APOL2: variants seen among roughly 807,000 people sequenced by gnomAD.
The protein encoded by APOL2 is apolipoprotein L2.
A neutral mutation model predicts 7.1 loss-of-function variants in APOL2; 8 were observed. The observed-to-expected ratio is 1.12, with a 90% CI of 0.66 to 2.03. APOL2 has a LOEUF of 2.03. Among genes scored for constraint, APOL2 ranks in the 30% most tolerant of loss-of-function variants. APOL2 has a pLI of 0.00. For synonymous variants in APOL2, 177 were observed against 159.9 expected, an observed-to-expected ratio of 1.11 and a Z score of -0.81; for missense variants, 471 against 415.1, an observed-to-expected ratio of 1.13 and a Z score of -1.17.
intron 1 of APOL2, chr22:36,237,365 T>C: frequency 7.7e-7 from 1 of 1,297,974 alleles, no homozygotes; most frequent in Non-Finnish European, 9.8e-7. Context: ...GGCATCCTCC[T>C]TGGGCAGGGA....
At chr22:36,233,030 C>T (rs1284091158) in intron 3 of APOL2, 123 bp downstream of exon 3, 28 of 1,003,824 alleles carry the variant, frequency 2.8e-5, no homozygotes, top group East Asian at 1.4e-4. Flanking sequence ...TTCTGCTGCT[C>T]GGGGCAGACT....
At chr22:36,231,557 C>G in intron 3 of APOL2, 91 bp from the exon 4 acceptor site, 3 of 1,478,150 alleles carry the variant, frequency 2.0e-6, no homozygotes, top group Non-Finnish European at 2.8e-6. Context: ...TTAATTTTTC[C>G]TGGACAACTG....
intron 1 of APOL2, among the ~76,000 whole-genome samples, chr22:36,235,746 TGGGTGG>T (rs767948492): frequency 0.019 from 2,227 of 116,176 alleles, 57 homozygotes; most frequent in African/African-American, 0.091. Context: ...GAAGAAAGGG[TGGGTGG>T]GTGGGTGTGT....
At chr22:36,231,527 G>C in intron 3 of APOL2, 61 bp from the exon 4 acceptor site, 1 of 1,574,982 alleles carries the variant, frequency 6.3e-7, no homozygotes. Context: ...AACAGCCATT[G>C]CACATTAGGT....
intron 4 of APOL2, among the ~76,000 whole-genome samples, chr22:36,228,922 T>C (rs2015120493): frequency 6.6e-6 from 1 of 152,178 alleles, no homozygotes; most frequent in African/African-American, 2.4e-5. Context: ...TGAGGGCAGC[T>C]TGTGATCCAG....
intron 4 of APOL2, among the ~76,000 whole-genome samples, chr22:36,229,016 GCTT>G (rs2015123490): frequency 6.6e-6 from 1 of 152,306 alleles, no homozygotes; most frequent in African/African-American, 2.4e-5. Flanking sequence ...GCTCTTCAGA[GCTT>G]CTTCTCCACT....
rs146028158 is a variant in APOL2, at chr22:36,226,662, TG to T, written c.*741del. 2.6e-5 allele frequency: 4 copies of T among 151,864 alleles called. No individual in the cohort carries two copies. The highest frequency in any genetic ancestry group is 2.1e-4 in the South Asian group (1 of 4,742). The allele number at this position is 151,864 out of a possible 1,614,324, so 9.4% of individuals were successfully genotyped here. A position where few individuals can be genotyped will look rare whatever the true frequency, so the allele number is the denominator to read the frequency against. On this transcript the variant is annotated 3_prime_UTR_variant, in exon 5 of 5. Transcript: ENST00000358502. ...TTTATTCTTGGAAGGACATCAAACC[TG>T]GGGGGGGGTCGGTAGTGGAGCTGCT...
At chr22:36,235,931 T>C (rs533266242) in intron 1 of APOL2, among the ~76,000 whole-genome samples, 4 of 151,702 alleles carry the variant, frequency 2.6e-5, no homozygotes, top group Non-Finnish European at 4.4e-5. Context: ...AAACGACCAG[T>C]CCAGGATGGA....
At chr22:36,239,570 C>A (rs2015533336), upstream of APOL2, 20 of 1,507,688 alleles carry the variant, frequency 1.3e-5, no homozygotes, top group South Asian at 7.1e-5. Context: ...CCCTGGAATT[C>A]GAAAGGGAAA....
At chr22:36,238,118 A>C (rs1236346938) in intron 1 of APOL2, among the ~76,000 whole-genome samples, 2 of 152,122 alleles carry the variant, frequency 1.3e-5, no homozygotes, top group Non-Finnish European at 2.9e-5. Context: ...TTAGACTCTG[A>C]ACATTCAATG....
intron 1 of APOL2, among the ~76,000 whole-genome samples, chr22:36,238,619 C>T (rs1171437883): frequency 6.6e-6 from 1 of 152,218 alleles, no homozygotes; most frequent in Non-Finnish European, 1.5e-5. Flanking sequence ...GCTCTCACTC[C>T]TGTAGTTATA....
chr22:36,227,654 T>C lies in APOL2; in HGVS notation c.764A>G (p.Glu255Gly). The C allele has an allele frequency of 6.2e-7, 1 of 1,613,572 alleles. No homozygotes were observed. The highest frequency in any genetic ancestry group is 8.5e-7 in the Non-Finnish European group (1 of 1,179,672). ...VIGRISAEGG[E>G]QVERVVEGPA... Reference sequence around the variant, plus strand: ...GCCTTCAACAACCCTCTCAACCTGTTCACCGCCTTCAGCTGAGATTCGCCC... The same window carrying C: ...GCCTTCAACAACCCTCTCAACCTGTCCACCGCCTTCAGCTGAGATTCGCCC... The change falls in exon 5 of 5, where the codon GAA (glutamate) becomes GGA (glycine). Residue 255 changes from glutamate to glycine, a missense_variant. Glu to Gly is a moderately conservative substitution (Grantham distance 98, BLOSUM62 -2). Transcript: ENST00000358502.
intron 4 of APOL2, among the ~76,000 whole-genome samples, chr22:36,229,171 C>T (rs1226285769): frequency 6.6e-6 from 1 of 152,170 alleles, no homozygotes; most frequent in East Asian, 1.9e-4. Flanking sequence ...TGATCATGCT[C>T]CTCACCCCCA....
In APOL2 at chr22:36,227,729, G is replaced by C. The variant is rs745808583; in HGVS notation, c.689C>G (p.Ala230Gly). 1.9e-6 allele frequency: 3 copies of C among 1,614,228 alleles called. No homozygotes were observed. In the Admixed American group the frequency reaches 5.0e-5, roughly 27 times the overall value. The change falls in exon 5 of 5, where the codon GCC (alanine) becomes GGC (glycine). Residue 230 changes from alanine (A) to glycine (G), a missense_variant. Coordinates refer to ENST00000358502, the MANE Select transcript of APOL2 (RefSeq NM_030882.4). ...IGRNIRAIRR[A>G]RANPQLGAYA... is the part of the protein sequence containing the mutation. ...CGCTCCTAACTGAGGGTTGGCTCTG[G>C]CTCGTCTGATGGCACGGATGTTCCT...
At position 36,231,465 on chromosome 22, in the gene APOL2, C is replaced by A; in HGVS notation, c.12G>T (p.Glu4Asp). 1 of 1,608,120 alleles carries A rather than the reference C, an allele frequency of 6.2e-7. No individual in the cohort carries two copies. The highest frequency in any genetic ancestry group is 8.5e-7 in the Non-Finnish European group (1 of 1,179,098). MNP[E>D]SSIFIEDYLK... ...GGTAATCCTCAATAAAGATACTGCTCTCTAGTTGGAAAGAAGAAAGGATAA... is the reference window on the plus strand; with the variant it reads ...GGTAATCCTCAATAAAGATACTGCTATCTAGTTGGAAAGAAGAAAGGATAA... The change falls in exon 4 of 5, where the codon GAG becomes GAT. Residue 4 changes from glutamate (E) to aspartate (D), a missense_variant and splice_region_variant. Transcript: ENST00000358502.
At chr22:36,239,415 G>T (rs1332957122) in intron 1 of APOL2, 26 bp downstream of exon 1, 5 of 1,531,638 alleles carry the variant, frequency 3.3e-6, no homozygotes, top group Non-Finnish European at 4.4e-6. Context: ...AGGACATGGG[G>T]GTAGATCACA....
intron 4 of APOL2, among the ~76,000 whole-genome samples, chr22:36,230,814 T>C (rs2015196002): frequency 6.6e-6 from 1 of 152,092 alleles, no homozygotes; most frequent in Non-Finnish European, 1.5e-5. Context: ...ATTCTTCAGA[T>C]GAGAAAAAAG....
Position 36,228,205 on chromosome 22 carries a change from G to T in APOL2, c.213C>A (p.His71Gln). Residue 71 changes from histidine (H) to glutamine (Q), a missense_variant, in exon 5 of 5, where the codon CAC (histidine) becomes CAA (glutamine). Coordinates refer to ENST00000358502, the MANE Select transcript of APOL2 (RefSeq NM_030882.4). ...SHMVMKDKNR[H>Q]DKDQQHRQWF... is the part of the protein sequence containing the mutation. ...ACTGCCTGTGCTGCTGGTCTTTATCGTGGCGGTTTTTGTCCTTCATGACCA... is the reference window on the plus strand; with the variant it reads ...ACTGCCTGTGCTGCTGGTCTTTATCTTGGCGGTTTTTGTCCTTCATGACCA... 6.2e-7 allele frequency: 1 copy of T among 1,614,172 alleles called. No individual in the cohort carries two copies. Among genetic ancestry groups the T allele is most frequent in the Non-Finnish European group, 8.5e-7 (1 of 1,180,032 alleles).
rs117956852 is a variant in APOL2, at chr22:36,230,360, T to A, written c.137+980A>T. Among the ~76,000 whole-genome samples the A allele has an allele frequency of 1.5e-3, 221 of 152,290 alleles. 3 individuals carry two copies. In the East Asian group the frequency reaches 0.034, roughly 23 times the overall value. ...AAGGCATGGGGTGAGAGACACAGGC[T>A]ACCATGACCCTGTATGCCCATGAGT... On this transcript the variant is annotated intron_variant, in intron 4 of 4. Transcript: ENST00000358502.
Sources: allele counts gnomAD v4.1 joint callset (sites outside exome capture counted in the v4.1 genomes callset), GRCh38; gene constraint gnomAD v4.1.1; transcripts MANE v1.5; gene names NCBI Gene and HGNC (gene_info 2026-07-23, HGNC 2026-07-21).